The following CDC42BPA variants were observed in gnomAD, a reference collection of about 807,000 sequenced individuals.
The protein encoded by CDC42BPA is CDC42 binding protein kinase alpha, also known as serine/threonine-protein kinase MRCK alpha.
A neutral mutation model predicts 223.5 loss-of-function variants in CDC42BPA; 80 were observed. The observed-to-expected ratio is 0.36, with a 90% CI of 0.30 to 0.43. The LOEUF is 0.43. CDC42BPA is among the 20% of genes least tolerant of loss of function. The probability of loss-of-function intolerance (pLI) is 1.00; values close to 1 mark genes in which losing one functional copy is unlikely to be tolerated. For missense variants in CDC42BPA, 1,743 were observed against 2,099.9 expected (o/e 0.83, Z 3.32); for synonymous variants, 694 against 718.6 (o/e 0.97, Z 0.55).
At chr1:227,114,758 T>C (rs1687506931) in intron 12 of CDC42BPA, among the ~76,000 whole-genome samples, 1 of 152,164 alleles carries the variant, frequency 6.6e-6, no homozygotes, top group Non-Finnish European at 1.5e-5. Context: ...TTTCAGATTT[T>C]GGATTTTCAG....
chr1:227,082,021 T>C (rs1680773915), intron 16 of CDC42BPA, among the ~76,000 whole-genome samples: 1 of 152,002 alleles, frequency 6.6e-6, no homozygotes, highest in Non-Finnish European at 1.5e-5. Flanking sequence ...AAACCCAGCT[T>C]AATGGCTGGA....
intron 1 of CDC42BPA, among the ~76,000 whole-genome samples, chr1:227,275,342 C>T (rs548912101): frequency 6.6e-6 from 1 of 151,540 alleles, no homozygotes; most frequent in Non-Finnish European, 1.5e-5. Context: ...AGTCTTAATA[C>T]TTACATTAGA....
At chr1:227,174,327 A>G (rs1252858000) in intron 5 of CDC42BPA, among the ~76,000 whole-genome samples, 5 of 152,188 alleles carry the variant, frequency 3.3e-5, no homozygotes, top group Admixed American at 1.3e-4. Flanking sequence ...AGTAAGCCTT[A>G]GGCCTCAAAA....
chr1:227,203,745 T>C (rs942536229), intron 3 of CDC42BPA, among the ~76,000 whole-genome samples: 8 of 152,244 alleles, frequency 5.3e-5, no homozygotes, highest in South Asian at 2.1e-4. Flanking sequence ...TCAACTGTTA[T>C]ACAGTTTTCC....
chr1:227,254,006 T>A lies in CDC42BPA; in HGVS notation c.270+58A>T. The A allele has an allele frequency of 3.3e-6, 3 of 906,466 alleles. No homozygotes were observed. The East Asian group carries it at 7.3e-5, about 22-fold the overall frequency. The allele number at this position is 906,466 out of a possible 1,614,324, so 56.2% of individuals were successfully genotyped here. On this transcript the variant is annotated intron_variant, in intron 2 of 36. Transcript: ENST00000366766. ...AATACTTGTTAAATTCTCTCACAATTGTGTTCAACAGCTTCCAAAATAATT... is the reference window on the plus strand; with the variant it reads ...AATACTTGTTAAATTCTCTCACAATAGTGTTCAACAGCTTCCAAAATAATT...
intron 2 of CDC42BPA, among the ~76,000 whole-genome samples, chr1:227,246,499 C>G (rs1680988682): frequency 6.6e-6 from 1 of 152,088 alleles, no homozygotes; most frequent in Non-Finnish European, 1.5e-5. Flanking sequence ...CACCAAATCC[C>G]CAGAGTTCCA....
intron 21 of CDC42BPA, among the ~76,000 whole-genome samples, chr1:227,060,198 AT>A (rs1675578396): frequency 6.6e-6 from 1 of 151,490 alleles, no homozygotes; most frequent in Admixed American, 6.6e-5. Context: ...CGCCCGGCTA[AT>A]TTTTTGTATT....
chr1:227,273,497 T>G (rs1421618175), intron 1 of CDC42BPA, among the ~76,000 whole-genome samples: 1 of 150,852 alleles, frequency 6.6e-6, no homozygotes, highest in African/African-American at 2.4e-5. Context: ...ATGGCACCAC[T>G]GCACTCCAGC....
intron 5 of CDC42BPA, among the ~76,000 whole-genome samples, chr1:227,192,836 T>A (rs922808014): frequency 2.6e-5 from 4 of 152,104 alleles, no homozygotes; most frequent in African/African-American, 4.8e-5. Context: ...ACACATACAA[T>A]CCTTGAAAGT....
intron 6 of CDC42BPA, among the ~76,000 whole-genome samples, chr1:227,151,945 C>T (rs118161288): frequency 2.0e-5 from 3 of 150,166 alleles, no homozygotes; most frequent in East Asian, 2.0e-4. Context: ...CCCAACTACT[C>T]GGGTGGCTGA....
rs200843746 is a variant in CDC42BPA at position 227,179,402 on chromosome 1, C to T, written c.599+14384G>A. Among the ~76,000 whole-genome samples, 100 of 151,686 alleles carry T rather than the reference C, an allele frequency of 6.6e-4. No homozygotes were observed. The East Asian group carries it at 9.7e-3, about 15-fold the overall frequency. The stretch of plus-strand genomic sequence containing the variant: ...CTGTAATCCCAGCACTTTGGGAGGC[C>T]GAGGCGGGCGGATCACAAGGTCAGG... On this transcript the variant is annotated intron_variant, in intron 5 of 36. Transcript: ENST00000366766.
At chr1:227,149,174 C>T (rs555338327) in intron 6 of CDC42BPA, among the ~76,000 whole-genome samples, 2 of 152,318 alleles carry the variant, frequency 1.3e-5, no homozygotes, top group South Asian at 4.1e-4. Flanking sequence ...TTTCATCTAT[C>T]TTGACTAATG....
chr1:227,117,134 G>A (rs1009397369), intron 12 of CDC42BPA, among the ~76,000 whole-genome samples: 4 of 152,070 alleles, frequency 2.6e-5, no homozygotes, highest in Non-Finnish European at 5.9e-5. Flanking sequence ...ATTTCTCTTG[G>A]GGTAAGACTT....
chr1:227,310,590 T>C (rs1488405631), intron 1 of CDC42BPA, among the ~76,000 whole-genome samples: 4 of 152,098 alleles, frequency 2.6e-5, no homozygotes, highest in African/African-American at 9.6e-5. Flanking sequence ...AGGAAGTGTG[T>C]AGAAGCTAGC....
chr1:227,260,596 G>A (rs904682386), intron 1 of CDC42BPA, among the ~76,000 whole-genome samples: 1 of 151,146 alleles, frequency 6.6e-6, no homozygotes, highest in Non-Finnish European at 1.5e-5. Flanking sequence ...TGGAAAGGCA[G>A]AGGCATAAGT....
chr1:227,220,244 CT>C (rs1675583721), intron 2 of CDC42BPA, among the ~76,000 whole-genome samples: 1 of 145,020 alleles, frequency 6.9e-6, no homozygotes, highest in Non-Finnish European at 1.5e-5. Flanking sequence ...TTTCAAATCC[CT>C]TTTTTTCTTC....
In CDC42BPA at chr1:227,309,306, G is replaced by A. The variant is rs1045351502; in HGVS notation, c.178+7699C>T. ...AGATTGTCCTCTATGATTATTATCT[G>A]GCCTCCCAAAAACTCTGAACAAAAG... On this transcript the variant is annotated intron_variant, in intron 1 of 36. Coordinates refer to ENST00000366766, the MANE Select transcript of CDC42BPA (RefSeq NM_001394014.1). 2.6e-5 allele frequency among the ~76,000 whole-genome samples: 4 copies of A among 151,836 alleles called. No individual in the cohort carries two copies. The South Asian group carries it at 8.3e-4, about 31-fold the overall frequency.
At chr1:227,290,443 C>CT (rs146176640) in intron 1 of CDC42BPA, among the ~76,000 whole-genome samples, 8,192 of 152,230 alleles carry the variant, frequency 0.054, 242 homozygotes, top group Non-Finnish European at 0.072. Flanking sequence ...CTTTACTGTA[C>CT]ATTTAAAAAA....
chr1:227,164,487 G>A (rs1287134918), intron 5 of CDC42BPA, among the ~76,000 whole-genome samples: 3 of 152,042 alleles, frequency 2.0e-5, no homozygotes, highest in Admixed American at 6.5e-5. Flanking sequence ...GCAACATAGT[G>A]AGACTCTGTC....
Sources: gnomAD v4.1 joint callset for allele counts (sites outside exome capture counted in the v4.1 genomes callset) on GRCh38, gnomAD v4.1.1 for gene constraint, MANE v1.5 for transcripts, NCBI Gene and HGNC (gene_info 2026-07-23, HGNC 2026-07-21) for gene names.